The following RFX7 variants were observed in gnomAD, a reference collection of about 807,000 sequenced individuals.
The protein encoded by RFX7 is regulatory factor X7.
In RFX7, 26 loss-of-function variants were observed where a neutral mutation model predicts 111.8. The ratio of observed to expected loss-of-function variants is 0.23; its 90% confidence interval spans 0.17 to 0.32. The LOEUF (loss-of-function observed/expected upper bound fraction) is 0.32, where lower values mean the gene tolerates loss of function less well. Ranked by LOEUF, RFX7 falls within the 10% of genes least tolerant of loss-of-function variation. The pLI is 1.00. For missense variants in RFX7, 1,573 were observed against 1,772.9 expected, an observed-to-expected ratio of 0.89 and a Z score of 2.02; for synonymous variants, 624 against 624.4, an observed-to-expected ratio of 1.00 and a Z score of 0.01.
Position 56,109,171 on chromosome 15 carries a change from G to A in RFX7, c.402-5501C>T, listed in dbSNP as rs374441607. 7.4e-3 allele frequency among the ~76,000 whole-genome samples: 1,127 copies of A among 152,232 alleles called. 13 individuals carry two copies. The highest frequency in any genetic ancestry group is 0.026 in the African/African-American group (1,092 of 41,560). On this transcript the variant is annotated intron_variant, in intron 5 of 9. Transcript: ENST00000559447. ...CCTGATTCTCCTGCCTCAGCCTGCCGAGTGCCTGCGATTGCAGGCGCGCGC... is the reference window on the plus strand; with the variant it reads ...CCTGATTCTCCTGCCTCAGCCTGCCAAGTGCCTGCGATTGCAGGCGCGCGC...
chr15:56,206,911 C>T (rs1230946857), intron 2 of RFX7, among the ~76,000 whole-genome samples: 3 of 144,440 alleles, frequency 2.1e-5, no homozygotes, highest in Admixed American at 6.9e-5. Context: ...TTAATAGTTA[C>T]AAAAAAAAAA....
intron 2 of RFX7, among the ~76,000 whole-genome samples, chr15:56,232,913 A>T (rs191251774): frequency 3.3e-5 from 5 of 152,312 alleles, no homozygotes; most frequent in Non-Finnish European, 5.9e-5. Flanking sequence ...AAGGCCATTC[A>T]ACAAGTCTCT....
intron 3 of RFX7, among the ~76,000 whole-genome samples, chr15:56,158,995 C>T (rs558385012): frequency 6.6e-6 from 1 of 152,262 alleles, no homozygotes; most frequent in East Asian, 1.9e-4. Context: ...TTCCCATATC[C>T]CTCCCTGCCA....
rs869249448 is a variant in RFX7, at chr15:56,218,144, C to CTTTTTT, written c.161+24975_161+24980dup. On this transcript the variant is annotated intron_variant, in intron 2 of 9. Coordinates refer to ENST00000559447, the MANE Select transcript of RFX7 (RefSeq NM_022841.7). ...TTACAAGTAATTTAGAAATGATTTT[C>CTTTTTT]TTTTTTTTTTTTTTTTTTTTTTTTT... is the stretch of plus-strand genomic sequence containing the variant. Among the ~76,000 whole-genome samples, 28 of 57,968 alleles carry CTTTTTT rather than the reference C, an allele frequency of 4.8e-4. 1 individual carries two copies. The highest frequency in any genetic ancestry group is 7.4e-4 in the Admixed American group (3 of 4,064). The allele number at this position is 57,968 out of a possible 152,430, so 38.0% of individuals were successfully genotyped here.
chr15:56,129,319 G>A (rs1238903333), intron 5 of RFX7, among the ~76,000 whole-genome samples: 1 of 151,204 alleles, frequency 6.6e-6, no homozygotes, highest in Non-Finnish European at 1.5e-5. Context: ...AGGTTGTAGT[G>A]AGCCGAGATT....
chr15:56,129,484 TAGG>T (rs1278740743), intron 5 of RFX7, among the ~76,000 whole-genome samples: 2 of 152,194 alleles, frequency 1.3e-5, no homozygotes, highest in Non-Finnish European at 2.9e-5. Context: ...TCTTTATTCT[TAGG>T]AGAAGTATCA....
chr15:56,244,472 T>C (rs1778938146), upstream of RFX7, among the ~76,000 whole-genome samples: 1 of 152,078 alleles, frequency 6.6e-6, no homozygotes, highest in African/African-American at 2.4e-5. Flanking sequence ...TCCATCCCCC[T>C]GCAAGAACTC....
intron 8 of RFX7, among the ~76,000 whole-genome samples, chr15:56,099,147 C>T (rs1036796114): frequency 4.6e-5 from 7 of 151,944 alleles, no homozygotes; most frequent in East Asian, 1.9e-4. Flanking sequence ...AGATTTAGGG[C>T]GTGGCATTGA....
chr15:56,179,731 A>G (rs1338739871), intron 2 of RFX7, among the ~76,000 whole-genome samples: 1 of 150,298 alleles, frequency 6.7e-6, no homozygotes, highest in Non-Finnish European at 1.5e-5. Flanking sequence ...TTGATACATA[A>G]AAGATTCTGT....
chr15:56,149,778 A>G (rs1459402677), intron 3 of RFX7, among the ~76,000 whole-genome samples: 1 of 151,660 alleles, frequency 6.6e-6, no homozygotes. Context: ...CCAATTGGGC[A>G]GACACCGAAC....
intron 4 of RFX7, among the ~76,000 whole-genome samples, chr15:56,143,454 C>T (rs538911481): frequency 6.6e-6 from 1 of 152,052 alleles, no homozygotes; most frequent in African/African-American, 2.4e-5. Flanking sequence ...CAGAGAGATC[C>T]TGAACAGACA....
chr15:56,137,115 T>C (rs1297767385), intron 5 of RFX7, among the ~76,000 whole-genome samples: 2 of 152,262 alleles, frequency 1.3e-5, no homozygotes, highest in African/African-American at 4.8e-5. Flanking sequence ...GGTATCAGAA[T>C]GATGCTGGCC....
intron 3 of RFX7, among the ~76,000 whole-genome samples, chr15:56,174,792 A>C (rs1434776989): frequency 1.3e-5 from 2 of 152,064 alleles, no homozygotes; most frequent in Admixed American, 1.3e-4. Flanking sequence ...TAAAAAAAAA[A>C]CTCTTAGCAA....
In RFX7 at chr15:56,200,451, CTCT is replaced by C. The variant is rs1376055384; in HGVS notation, c.162-21151_162-21149del. Among the ~76,000 whole-genome samples the C allele has an allele frequency of 3.3e-5, 5 of 152,264 alleles. No homozygotes were observed. In the East Asian group the frequency reaches 5.8e-4, roughly 18 times the overall value. On this transcript the variant is annotated intron_variant, in intron 2 of 9. Coordinates refer to ENST00000559447, the MANE Select transcript of RFX7 (RefSeq NM_022841.7). ...CTGGATTGCACAGTGGGGAAAACAA[CTCT>C]TCTTCTCCTACTGCATAGTTTCAGA...
intron 2 of RFX7, among the ~76,000 whole-genome samples, chr15:56,222,849 T>G (rs1314971693): frequency 2.0e-5 from 3 of 152,180 alleles, no homozygotes; most frequent in African/African-American, 7.2e-5. Flanking sequence ...CTTCATTTGT[T>G]TAGTAATTTT....
chr15:56,167,661 C>G (rs1193675249), intron 3 of RFX7, among the ~76,000 whole-genome samples: 1 of 152,176 alleles, frequency 6.6e-6, no homozygotes, highest in Admixed American at 6.5e-5. Flanking sequence ...ACAAAAAAAT[C>G]TATTCATATT....
At chr15:56,133,866 G>A (rs1481251196) in intron 5 of RFX7, among the ~76,000 whole-genome samples, 2 of 152,098 alleles carry the variant, frequency 1.3e-5, no homozygotes, top group African/African-American at 2.4e-5. Context: ...TCTACATGCT[G>A]TAATTCTATG....
At chr15:56,236,233 T>C (rs1048809047) in intron 2 of RFX7, among the ~76,000 whole-genome samples, 8 of 152,184 alleles carry the variant, frequency 5.3e-5, no homozygotes, top group Admixed American at 4.6e-4. Context: ...TAAATGCCTA[T>C]TTACAGTCGC....
intron 2 of RFX7, among the ~76,000 whole-genome samples, chr15:56,240,985 A>G (rs1465376647): frequency 6.6e-6 from 1 of 152,096 alleles, no homozygotes; most frequent in Non-Finnish European, 1.5e-5. Flanking sequence ...GGGGTATGAC[A>G]CTATTAAGTA....
Sources: allele counts gnomAD v4.1 joint callset (sites outside exome capture counted in the v4.1 genomes callset), GRCh38; gene constraint gnomAD v4.1.1; transcripts MANE v1.5; gene names NCBI Gene and HGNC (gene_info 2026-07-23, HGNC 2026-07-21).